The following NETO1 variants were observed in gnomAD, a reference collection of about 807,000 sequenced individuals.
NETO1 encodes neuropilin and tolloid like 1.
NETO1 carries 26 observed loss-of-function variants against 61.3 expected under a neutral mutation model. The ratio of observed to expected loss-of-function variants is 0.42; its 90% CI spans 0.31 to 0.59. The LOEUF is 0.59. NETO1 is among the 20% of genes least tolerant of loss of function. The pLI, the probability that NETO1 is intolerant of heterozygous loss-of-function variation, is 0.12. For synonymous variants in NETO1, 225 were observed against 225.8 expected (o/e 1.00, Z 0.03); for missense variants, 531 against 662.8 (o/e 0.80, Z 2.18).
intron 7 of NETO1, among the ~76,000 whole-genome samples, chr18:72,761,669 A>G (rs1378960651): frequency 6.6e-6 from 1 of 152,204 alleles, no homozygotes; most frequent in Non-Finnish European, 1.5e-5. Context: ...AGGCTTGGAT[A>G]ACAGGGACAG....
At position 72,867,980 on chromosome 18, in the gene NETO1, A is replaced by G. The variant is rs1568283361; in HGVS notation, c.-689T>C. On this transcript the variant is annotated 5_prime_UTR_variant, in exon 1 of 11. Coordinates refer to ENST00000327305, the MANE Select transcript of NETO1 (RefSeq NM_138966.5). Reference sequence around the variant, plus strand: ...CGCCGGGCTGCGCGCCACCTCTGCTATCTTGCGGAAAGAGGAGCGGGTGGG... The same window carrying G: ...CGCCGGGCTGCGCGCCACCTCTGCTGTCTTGCGGAAAGAGGAGCGGGTGGG... The G allele has an allele frequency of 6.8e-6, 1 of 147,736 alleles. No homozygotes were observed. 9.2% of individuals were successfully genotyped at this position (147,736 alleles called of 1,614,324 possible).
At chr18:72,785,161 G>A (rs373048590) in intron 6 of NETO1, among the ~76,000 whole-genome samples, 2 of 152,062 alleles carry the variant, frequency 1.3e-5, no homozygotes, top group South Asian at 2.1e-4. Flanking sequence ...TAAAGACATG[G>A]CATTCAAGCA....
rs1281645808 is a variant in NETO1 at position 72,746,354 on chromosome 18, C to T, written c.*1825G>A. The stretch of plus-strand genomic sequence containing the variant: ...AAAAGGAACCATGGTAATAAATAAA[C>T]CAGTCAAGCCAAATAAAAAAGGGTA... On this transcript the variant is annotated 3_prime_UTR_variant, in exon 11 of 11. Coordinates refer to ENST00000327305, the MANE Select transcript of NETO1 (RefSeq NM_138966.5). Among the ~76,000 whole-genome samples the T allele has an allele frequency of 4.6e-5, 7 of 151,918 alleles. No homozygotes were observed. The highest frequency in any genetic ancestry group is 1.7e-4 in the African/African-American group (7 of 41,378).
intron 4 of NETO1, among the ~76,000 whole-genome samples, chr18:72,801,150 T>A (rs576254324): frequency 6.6e-6 from 1 of 152,202 alleles, no homozygotes; most frequent in Non-Finnish European, 1.5e-5. Context: ...CTTTCTTCCA[T>A]GGTCTACCTC....
intron 7 of NETO1, among the ~76,000 whole-genome samples, chr18:72,764,809 C>A (rs1332985084): frequency 1.3e-5 from 2 of 152,292 alleles, no homozygotes; most frequent in Admixed American, 1.3e-4. Flanking sequence ...ACAAAGGGCA[C>A]AACCATCCCC....
intron 7 of NETO1, among the ~76,000 whole-genome samples, chr18:72,778,509 T>A (rs144346651): frequency 3.7e-3 from 571 of 152,290 alleles, no homozygotes; most frequent in South Asian, 0.013. Context: ...GGACATTTTC[T>A]CAGCAAAATA....
chr18:72,784,160 A>G (rs2145231796), intron 6 of NETO1, among the ~76,000 whole-genome samples: 1 of 152,196 alleles, frequency 6.6e-6, no homozygotes, highest in Non-Finnish European at 1.5e-5. Flanking sequence ...AATTCGCTTT[A>G]TGTCTTCTCA....
chr18:72,753,905 A>T (rs149989101), intron 8 of NETO1, among the ~76,000 whole-genome samples: 1,679 of 152,300 alleles, frequency 0.011, 35 homozygotes, highest in African/African-American at 0.038. Flanking sequence ...AATCAGAAGG[A>T]TTATATAAAA....
At chr18:72,778,693 A>G (rs987026937) in intron 7 of NETO1, among the ~76,000 whole-genome samples, 4 of 152,146 alleles carry the variant, frequency 2.6e-5, no homozygotes, top group Non-Finnish European at 5.9e-5. Flanking sequence ...TTATATTTCT[A>G]TAAGCATTCT....
intron 7 of NETO1, among the ~76,000 whole-genome samples, chr18:72,769,174 A>G (rs935334053): frequency 1.7e-4 from 26 of 152,020 alleles, no homozygotes; most frequent in African/African-American, 5.6e-4. Context: ...TTTTTTTCTA[A>G]TTATTATCTG....
At chr18:72,865,505 A>C (rs2074707708) in intron 1 of NETO1, 1 of 1,541,876 alleles carries the variant, frequency 6.5e-7, no homozygotes, top group Non-Finnish European at 8.9e-7. Flanking sequence ...TCTAAAGGCA[A>C]CATGTCAATT....
intron 6 of NETO1, among the ~76,000 whole-genome samples, chr18:72,788,089 T>C (rs2071983197): frequency 1.3e-5 from 2 of 152,300 alleles, no homozygotes; most frequent in African/African-American, 2.4e-5. Flanking sequence ...ATTGGCCCTA[T>C]ATTTTTTTCA....
chr18:72,823,259 A>T (rs2073264121), intron 4 of NETO1, among the ~76,000 whole-genome samples: 1 of 152,216 alleles, frequency 6.6e-6, no homozygotes, highest in South Asian at 2.1e-4. Flanking sequence ...GAGAGACAAT[A>T]TGAAGTGTCA....
intron 3 of NETO1, among the ~76,000 whole-genome samples, chr18:72,861,682 G>T (rs1014050751): frequency 6.6e-6 from 1 of 152,100 alleles, no homozygotes; most frequent in Non-Finnish European, 1.5e-5. Context: ...TCGTGACTGG[G>T]ACCTCGCTTG....
chr18:72,862,721 C>T (rs9945168), intron 3 of NETO1, among the ~76,000 whole-genome samples: 40,352 of 150,558 alleles, frequency 0.27, 5,823 homozygotes, highest in East Asian at 0.56. Context: ...CCCGGGTTCA[C>T]GCCATTCTCC....
rs867162303 is a variant in NETO1 at position 72,749,327 on chromosome 18, T to C, written c.1542-239A>G. 2.8e-4 allele frequency among the ~76,000 whole-genome samples: 42 copies of C among 152,158 alleles called. 1 individual carries two copies. The highest frequency in any genetic ancestry group is 7.7e-4 in the African/African-American group (32 of 41,440). The stretch of plus-strand genomic sequence containing the variant: ...GCTAGTAAACATGCAAAACGAAGTA[T>C]AAGTTGACAAGATTTTGGAATTTAA... On this transcript the variant is annotated intron_variant, in intron 9 of 10. Transcript: ENST00000327305.
intron 4 of NETO1, among the ~76,000 whole-genome samples, chr18:72,814,974 T>A (rs534484154): frequency 6.6e-6 from 1 of 152,158 alleles, no homozygotes; most frequent in Admixed American, 6.5e-5. Flanking sequence ...AAACAATTAT[T>A]ATAAAAATAC....
At chr18:72,779,970 G>A (rs1452049600) in intron 7 of NETO1, among the ~76,000 whole-genome samples, 1 of 152,158 alleles carries the variant, frequency 6.6e-6, no homozygotes, top group African/African-American at 2.4e-5. Context: ...AAAGGGCAAG[G>A]CTGCTCTCTG....
intron 8 of NETO1, among the ~76,000 whole-genome samples, chr18:72,754,529 A>G (rs2070724252): frequency 6.6e-6 from 1 of 152,190 alleles, no homozygotes; most frequent in South Asian, 2.1e-4. Flanking sequence ...TGTAGTGGCT[A>G]TACTAATGCC....
Sources: allele counts gnomAD v4.1 joint callset (sites outside exome capture counted in the v4.1 genomes callset), GRCh38; gene constraint gnomAD v4.1.1; transcripts MANE v1.5; gene names NCBI Gene and HGNC (gene_info 2026-07-23, HGNC 2026-07-21).